Variants in SLC36A2 observed in about 807,000 individuals in gnomAD.
The protein encoded by SLC36A2 is solute carrier family 36 member 2.
A neutral mutation model predicts 42.7 loss-of-function variants in SLC36A2; 39 were observed. That is an observed-to-expected ratio of 0.91 (90% CI 0.71 to 1.19). The LOEUF (loss-of-function observed/expected upper bound fraction) is 1.19, where lower values mean the gene tolerates loss of function less well. Ranked by LOEUF, SLC36A2 falls within the 50% of genes most tolerant of loss-of-function variation. SLC36A2 has a pLI of 0.00. For synonymous variants in SLC36A2, 237 were observed against 240.8 expected, an observed-to-expected ratio of 0.98 and a Z score of 0.15; for missense variants, 590 against 613.7, an observed-to-expected ratio of 0.96 and a Z score of 0.41.
chr5:151,342,399 G>A (rs115378254), intron 4 of SLC36A2, among the ~76,000 whole-genome samples: 1 of 152,042 alleles, frequency 6.6e-6, no homozygotes, highest in Non-Finnish European at 1.5e-5. Context: ...CCTTCCTGCA[G>A]AACTCATCTC....
intron 9 of SLC36A2, chr5:151,318,992 G>C (rs1755601893): frequency 5.7e-6 from 1 of 176,016 alleles, no homozygotes; most frequent in Non-Finnish European, 1.1e-5. Context: ...GAACAGGTCT[G>C]GAAGGCAGGA....
intron 1 of SLC36A2, 83 bp downstream of exon 1, chr5:151,347,214 C>CA: frequency 6.5e-7 from 1 of 1,536,362 alleles, no homozygotes; most frequent in Non-Finnish European, 9.0e-7. Context: ...GGTTGAGGGT[C>CA]AGACACACCC....
At chr5:151,343,039 T>G in intron 3 of SLC36A2, 56 bp from the exon 4 acceptor site, 1 of 1,402,834 alleles carries the variant, frequency 7.1e-7, no homozygotes, top group East Asian at 2.3e-5. Flanking sequence ...TAAACTCACA[T>G]GGTCAAAAGT....
chr5:151,339,182 T>C, intron 4 of SLC36A2, 38 bp from the exon 5 acceptor site: 1 of 1,513,714 alleles, frequency 6.6e-7, no homozygotes, highest in Non-Finnish European at 9.1e-7. Flanking sequence ...AAACTTGTTA[T>C]AAAATAAGTC....
At chr5:151,345,582 C>T (rs1265170578) in intron 1 of SLC36A2, among the ~76,000 whole-genome samples, 1 of 152,148 alleles carries the variant, frequency 6.6e-6, no homozygotes, top group African/African-American at 2.4e-5. Context: ...CCCTGCATGC[C>T]TTTCTCCCTG....
Position 151,335,943 on chromosome 5 carries a change from G to A in SLC36A2, c.526-396C>T, listed in dbSNP as rs117212675. On this transcript the variant is annotated intron_variant, in intron 5 of 9. Transcript: ENST00000335244. The stretch of plus-strand genomic sequence containing the variant: ...CTCAGGAGGCTGAGGCACAAGAATC[G>A]CTTGAGCCAAGATCATGCCACCACA... 5.9e-3 allele frequency among the ~76,000 whole-genome samples: 891 copies of A among 151,316 alleles called. 47 individuals are homozygous for A. The East Asian group carries it at 0.12, about 21-fold the overall frequency.
At chr5:151,334,612 AC>A (rs1756094724) in intron 6 of SLC36A2, among the ~76,000 whole-genome samples, 1 of 151,950 alleles carries the variant, frequency 6.6e-6, no homozygotes, top group South Asian at 2.1e-4. Context: ...AATCGCTTGA[AC>A]CCGGGAGGCA....
chr5:151,337,558 A>G (rs960537447), intron 5 of SLC36A2, among the ~76,000 whole-genome samples: 4 of 152,246 alleles, frequency 2.6e-5, no homozygotes, highest in Non-Finnish European at 5.9e-5. Context: ...AATGCAGATG[A>G]TAAGTATAGG....
chr5:151,344,336 G>T, intron 1 of SLC36A2, 69 bp from the exon 2 acceptor site: 1 of 1,339,464 alleles, frequency 7.5e-7, no homozygotes, highest in Non-Finnish European at 1.1e-6. Context: ...TGATTCCCTT[G>T]CAGCATGCCA....
intron 1 of SLC36A2, among the ~76,000 whole-genome samples, chr5:151,346,200 T>C (rs1756492971): frequency 6.6e-6 from 1 of 152,090 alleles, no homozygotes; most frequent in Non-Finnish European, 1.5e-5. Context: ...ACTGAGAAAA[T>C]GCCTCTACTT....
rs748502490 is a variant in SLC36A2, at chr5:151,325,289, C to T, written c.1007G>A (p.Cys336Tyr). 6.2e-7 allele frequency: 1 copy of T among 1,613,176 alleles called. No individual in the cohort carries two copies. The highest frequency in any genetic ancestry group is 1.3e-5 in the African/African-American group (1 of 75,028). ...ACCTGACAGCCCATGAAGATACCAG[C>T]AGTTAGGCAGGTTAAGGCTTATGCT... ...KASISLNLPNCWLYQSVKLLY... is the reference protein window; with the variant it reads ...KASISLNLPNYWLYQSVKLLY... The change falls in exon 8 of 10, where the codon TGC becomes TAC. Residue 336 changes from cysteine (C) to tyrosine (Y), a missense_variant. Coordinates refer to ENST00000335244, the MANE Select transcript of SLC36A2 (RefSeq NM_181776.3).
chr5:151,338,520 A>T (rs965676762), intron 5 of SLC36A2: 2 of 154,036 alleles, frequency 1.3e-5, no homozygotes, highest in African/African-American at 2.4e-5. Context: ...CAAATAATAA[A>T]AAAAAATTAG....
At chr5:151,320,166 G>T (rs899415429) in intron 9 of SLC36A2, among the ~76,000 whole-genome samples, 3 of 151,916 alleles carry the variant, frequency 2.0e-5, no homozygotes, top group Non-Finnish European at 4.4e-5. Context: ...TGAATGTCAG[G>T]ATTCTAACCA....
chr5:151,325,631 T>G (rs1365297947), intron 7 of SLC36A2, among the ~76,000 whole-genome samples, 179 bp from the exon 8 acceptor site: 1 of 152,142 alleles, frequency 6.6e-6, no homozygotes, highest in Non-Finnish European at 1.5e-5. Context: ...AACCCAAGGG[T>G]CTAGCAACAG....
intron 7 of SLC36A2, among the ~76,000 whole-genome samples, chr5:151,331,264 T>A (rs908662483): frequency 2.6e-5 from 4 of 152,148 alleles, no homozygotes; most frequent in South Asian, 2.1e-4. Context: ...GGTAAATCTC[T>A]ATGACCTATG....
At chr5:151,338,740 C>A in intron 5 of SLC36A2, 1 of 250,318 alleles carries the variant, frequency 4.0e-6, no homozygotes. Flanking sequence ...AAAGAAGACC[C>A]ATATCAATTT....
chr5:151,346,329 C>A (rs544083995), intron 1 of SLC36A2, among the ~76,000 whole-genome samples: 3 of 152,304 alleles, frequency 2.0e-5, no homozygotes, highest in South Asian at 4.1e-4. Context: ...TGTGTCCATC[C>A]CTAAATTGTC....
In SLC36A2 at chr5:151,315,372, TAATC is replaced by T. The variant is rs1755463586; in HGVS notation, c.*1441_*1444del. The T allele has an allele frequency of 6.6e-6, 1 of 152,336 alleles. No homozygotes were observed. Among genetic ancestry groups the T allele is most frequent in the African/African-American group, 2.4e-5 (1 of 41,468 alleles). The allele number at this position is 152,336 out of a possible 1,614,324, so 9.4% of individuals were successfully genotyped here. A position where few individuals can be genotyped will look rare whatever the true frequency, so the allele number is the denominator to read the frequency against. On this transcript the variant is annotated 3_prime_UTR_variant, in exon 10 of 10. Coordinates refer to ENST00000335244, the MANE Select transcript of SLC36A2 (RefSeq NM_181776.3). ...GGCTGGGCGTGGTGGCTCACACTTG[TAATC>T]TCAGCACTTTGGGAGGCCGAGGCAA...
Position 151,325,402 on chromosome 5 carries a change from G to C in SLC36A2, c.894C>G (p.Ile298Met). ...TGACGATGGACATTCCCAAAGACAG[G>C]ATGGCTGGGAAGTGGCGGGCATTCT... Reference protein sequence around the residue: ...KMKNARHFPAILSLGMSIVTS... With the variant: ...KMKNARHFPAMLSLGMSIVTS... The change falls in exon 8 of 10, where the codon ATC becomes ATG. Residue 298 changes from isoleucine (I) to methionine (M), a missense_variant. Coordinates refer to ENST00000335244, the MANE Select transcript of SLC36A2 (RefSeq NM_181776.3). 7 of 1,614,194 alleles carry C rather than the reference G, an allele frequency of 4.3e-6. No homozygotes were observed. The highest frequency in any genetic ancestry group is 5.9e-6 in the Non-Finnish European group (7 of 1,180,022).
Sources: allele counts gnomAD v4.1 joint callset (sites outside exome capture counted in the v4.1 genomes callset), GRCh38; gene constraint gnomAD v4.1.1; transcripts MANE v1.5; gene names NCBI Gene and HGNC (gene_info 2026-07-23, HGNC 2026-07-21).